TBC1D31: variants seen among roughly 807,000 people sequenced by gnomAD.
TBC1D31 encodes the protein TBC1 domain family member 31, also known as WD repeat domain 67.
A neutral mutation model predicts 132.9 loss-of-function variants in TBC1D31; 99 were observed. The ratio of observed to expected loss-of-function variants is 0.74; its 90% confidence interval spans 0.63 to 0.88. The LOEUF (loss-of-function observed/expected upper bound fraction) is 0.88. TBC1D31 is among the 40% of genes least tolerant of loss of function. TBC1D31 has a pLI of 0.00. For missense variants in TBC1D31, 1,134 were observed against 1,256.6 expected (o/e 0.90, Z 1.48); for synonymous variants, 385 against 419.4 (o/e 0.92, Z 1.00).
chr8:123,152,174 TGCAGG>T (rs1442587860), downstream of TBC1D31: 3 of 360,380 alleles, frequency 8.3e-6, no homozygotes, highest in Non-Finnish European at 1.5e-5. Flanking sequence ...GCTTTCAGGT[TGCAGG>T]GACCAGCATA....
chr8:123,159,377 A>C, the TBC1D31 span, among the ~76,000 whole-genome samples: 1 of 152,320 alleles, frequency 6.6e-6, no homozygotes, highest in African/African-American at 2.4e-5. Context: ...TAAACAAGAA[A>C]AAGGGATGCT....
Position 123,077,185 on chromosome 8 carries a change from A to G in TBC1D31, c.152A>G (p.Asp51Gly). Residue 51 changes from aspartate (D) to glycine (G), a missense_variant, in exon 2 of 22, where the codon GAT (aspartate) becomes GGT (glycine). Transcript: ENST00000287380. ...KVLRFLNVAF[D>G]GTGDCLIAGD... ...TTGCGATTTTTGAATGTGGCTTTTG[A>G]TGGCACAGGCGACTGCTTAATTGCT... 6.2e-7 allele frequency: 1 copy of G among 1,613,276 alleles called. No individual in the cohort carries two copies. The highest frequency in any genetic ancestry group is 1.3e-5 in the African/African-American group (1 of 75,004).
At chr8:123,137,335 G>A (rs1280682220) in intron 17 of TBC1D31, among the ~76,000 whole-genome samples, 1 of 152,114 alleles carries the variant, frequency 6.6e-6, no homozygotes, top group Non-Finnish European at 1.5e-5. Context: ...TGTGTCAGGG[G>A]TCCCCAAGAC....
intron 8 of TBC1D31, among the ~76,000 whole-genome samples, 198 bp from the exon 9 acceptor site, chr8:123,109,119 T>C (rs1429770533): frequency 6.6e-6 from 1 of 152,138 alleles, no homozygotes. Context: ...AGGTACTATA[T>C]CATGAACTTT....
chr8:123,131,171 C>T (rs1586703129), intron 16 of TBC1D31, among the ~76,000 whole-genome samples: 1 of 151,500 alleles, frequency 6.6e-6, no homozygotes, highest in African/African-American at 2.4e-5. Flanking sequence ...CGGAACCAGC[C>T]TGGCCAACAT....
chr8:123,126,544 G>T lies in TBC1D31; in HGVS notation c.1741G>T (p.Glu581Ter). The change falls in exon 13 of 22, where the codon GAA (glutamate) becomes TAA (stop). Residue 581 changes from glutamate to a stop codon, truncating the protein, a stop_gained. Coordinates refer to ENST00000287380, the MANE Select transcript of TBC1D31 (RefSeq NM_145647.4). LOFTEE classifies it high-confidence loss of function. ...AWPLLETVFS[E>*]VLTREEWLKL... ...GCCTCTTCTTGAAACTGTGTTCTCAGAAGTGCTGACAAGAGAGGAGTGGCT... is the reference window on the plus strand; with the variant it reads ...GCCTCTTCTTGAAACTGTGTTCTCATAAGTGCTGACAAGAGAGGAGTGGCT... 1 of 1,613,992 alleles carries T rather than the reference G, an allele frequency of 6.2e-7. No homozygotes were observed. The highest frequency in any genetic ancestry group is 8.5e-7 in the Non-Finnish European group (1 of 1,179,996).
chr8:123,154,708 T>C (rs1048204511), downstream of TBC1D31, among the ~76,000 whole-genome samples: 6 of 152,126 alleles, frequency 3.9e-5, no homozygotes, highest in African/African-American at 1.4e-4. Context: ...CATGCCAGTG[T>C]CCATGCTGGG....
chr8:123,079,417 A>T (rs1814903037), intron 2 of TBC1D31, among the ~76,000 whole-genome samples: 2 of 152,172 alleles, frequency 1.3e-5, no homozygotes, highest in African/African-American at 4.8e-5. Flanking sequence ...CTTCTCTGTG[A>T]TTCATTAGGT....
In TBC1D31 at chr8:123,084,154, T is replaced by C; in HGVS notation, c.341-8T>C. 6.2e-7 allele frequency: 1 copy of C among 1,613,360 alleles called. No individual in the cohort carries two copies. The highest frequency in any genetic ancestry group is 1.1e-5 in the South Asian group (1 of 90,988). On this transcript the variant is annotated splice_region_variant and splice_polypyrimidine_tract_variant and intron_variant, in intron 3 of 21. Coordinates refer to ENST00000287380, the MANE Select transcript of TBC1D31 (RefSeq NM_145647.4). ...TTACCTGGGTAACAATTTTACTTTT[T>C]ACCACAGTCACCAAGGAGCTAGTTA... is the stretch of plus-strand genomic sequence containing the variant.
At chr8:123,076,018 G>A (rs1241455991) in intron 1 of TBC1D31, among the ~76,000 whole-genome samples, 1 of 152,098 alleles carries the variant, frequency 6.6e-6, no homozygotes, top group African/African-American at 2.4e-5. Flanking sequence ...AGTAGAAAGG[G>A]GAAAAAAATT....
intron 20 of TBC1D31, among the ~76,000 whole-genome samples, chr8:123,148,931 C>T (rs1822514484): frequency 6.6e-6 from 1 of 151,960 alleles, no homozygotes; most frequent in Non-Finnish European, 1.5e-5. Context: ...CCTGTAATCC[C>T]AGCTACTCCA....
At chr8:123,107,045 G>A (rs1009029442) in intron 8 of TBC1D31, among the ~76,000 whole-genome samples, 1 of 152,334 alleles carries the variant, frequency 6.6e-6, no homozygotes, top group South Asian at 2.1e-4. Flanking sequence ...ACTAGAGGCT[G>A]GTTCTGTAGG....
chr8:123,149,573 A>C (rs945153442), intron 20 of TBC1D31, among the ~76,000 whole-genome samples: 5 of 152,222 alleles, frequency 3.3e-5, no homozygotes. Flanking sequence ...AGTAATTGAT[A>C]AAAGTAGGGG....
intron 5 of TBC1D31, among the ~76,000 whole-genome samples, chr8:123,094,212 G>T (rs180774916): frequency 3.3e-5 from 5 of 151,110 alleles, no homozygotes; most frequent in African/African-American, 1.2e-4. Flanking sequence ...TTATAGGCAC[G>T]TGCCACCATA....
At chr8:123,131,427 G>A (rs1279256154) in intron 16 of TBC1D31, among the ~76,000 whole-genome samples, 1 of 150,886 alleles carries the variant, frequency 6.6e-6, no homozygotes, top group African/African-American at 2.4e-5. Flanking sequence ...TATAGATAGA[G>A]GAGTAATTAT....
chr8:123,150,612 A>G (rs995950331), intron 21 of TBC1D31, among the ~76,000 whole-genome samples: 1 of 152,222 alleles, frequency 6.6e-6, no homozygotes, highest in East Asian at 1.9e-4. Context: ...CCCCAGCAGC[A>G]GTAGAATGGC....
intron 6 of TBC1D31, among the ~76,000 whole-genome samples, chr8:123,099,737 T>A (rs868023993): frequency 6.6e-6 from 1 of 152,220 alleles, no homozygotes; most frequent in African/African-American, 2.4e-5. Flanking sequence ...TGTCTTAGTC[T>A]GTTTTGTGCT....
intron 5 of TBC1D31, among the ~76,000 whole-genome samples, chr8:123,095,286 C>T (rs56406971): frequency 0.18 from 26,968 of 152,138 alleles, 2,376 homozygotes; most frequent in Middle Eastern, 0.26. Flanking sequence ...TGATCATTCC[C>T]TAGATCTAGT....
chr8:123,127,256 TTTGCA>T, intron 13 of TBC1D31, among the ~76,000 whole-genome samples: 1 of 145,700 alleles, frequency 6.9e-6, no homozygotes, highest in Non-Finnish European at 1.5e-5. Context: ...GTTTGTGCTT[TTTGCA>T]TTTTTTTTTT....
Sources: allele counts gnomAD v4.1 joint callset (sites outside exome capture counted in the v4.1 genomes callset), GRCh38; gene constraint gnomAD v4.1.1; transcripts MANE v1.5; gene names NCBI Gene and HGNC (gene_info 2026-07-23, HGNC 2026-07-21).